TRMT44: variants seen among roughly 807,000 people sequenced by gnomAD.
The protein encoded by TRMT44 is tRNA methyltransferase 44 homolog.
TRMT44 carries 78 observed loss-of-function variants against 77.3 expected under a neutral mutation model. The observed-to-expected ratio is 1.01, with a 90% CI of 0.84 to 1.22. The LOEUF (loss-of-function observed/expected upper bound fraction) is 1.22. Ranked by LOEUF, TRMT44 falls within the 50% of genes most tolerant of loss-of-function variation. TRMT44 has a pLI of 0.00. For synonymous variants in TRMT44, 391 were observed against 383.3 expected (o/e 1.02, Z -0.23); for missense variants, 1,090 against 964.4 (o/e 1.13, Z -1.73).
chr4:8,477,416 C>T (rs1239803641), downstream of TRMT44: 1 of 152,300 alleles, frequency 6.6e-6, no homozygotes, highest in African/African-American at 2.4e-5. Context: ...GACTGGCGCT[C>T]CGTGGCCCTT....
intron 2 of TRMT44, among the ~76,000 whole-genome samples, chr4:8,483,699 G>C (rs1401159761): frequency 6.6e-6 from 1 of 152,312 alleles, no homozygotes. Context: ...CTAAGAGCCT[G>C]AAAAACTGCT....
At chr4:8,453,101 C>A in intron 5 of TRMT44, 112 bp downstream of exon 5, 1 of 599,652 alleles carries the variant, frequency 1.7e-6, no homozygotes, top group Non-Finnish European at 2.8e-6. Flanking sequence ...TTGGAGTCAG[C>A]CAGCTATCAG....
rs1340483419 is a variant in TRMT44 at position 8,441,537 on chromosome 4, T to C, written c.619+96T>C. ...AAAGTCCTAAGGGTACTAGTTCCTC[T>C]GCGATGTCCTAGGGAGGTTGTTAGG... On this transcript the variant is annotated intron_variant, in intron 1 of 10. Coordinates refer to ENST00000389737, the MANE Select transcript of TRMT44 (RefSeq NM_152544.3). 5 of 1,369,488 alleles carry C rather than the reference T, an allele frequency of 3.7e-6. No individual in the cohort carries two copies. In the Admixed American group the frequency reaches 1.5e-4, roughly 41 times the overall value. 84.8% of individuals were successfully genotyped at this position (1,369,488 alleles called of 1,614,324 possible).
chr4:8,490,466 G>A (rs572342470), intron 2 of TRMT44, among the ~76,000 whole-genome samples: 115 of 151,918 alleles, frequency 7.6e-4, no homozygotes, highest in African/African-American at 2.1e-3. Context: ...TTAAGGCAGC[G>A]CGTCTGGAGT....
At chr4:8,478,027 A>G (rs2631738), downstream of TRMT44, 73,282 of 152,966 alleles carry the variant, frequency 0.48, 17,914 homozygotes, top group South Asian at 0.67. Context: ...CAGGCCCAGG[A>G]TGGCTCCAGG....
At chr4:8,445,233 C>G (rs1336388532) in intron 1 of TRMT44, among the ~76,000 whole-genome samples, 1 of 152,216 alleles carries the variant, frequency 6.6e-6, no homozygotes, top group Non-Finnish European at 1.5e-5. Flanking sequence ...TTCAAGTGAG[C>G]CTCGCACCTT....
chr4:8,454,442 G>A (rs1725660968), intron 5 of TRMT44: 1 of 359,296 alleles, frequency 2.8e-6, no homozygotes, highest in Non-Finnish European at 5.1e-6. Flanking sequence ...AGGCAAATAT[G>A]TGCAGGCCAT....
At chr4:8,484,015 T>A (rs1178867247) in intron 2 of TRMT44, among the ~76,000 whole-genome samples, 1 of 152,164 alleles carries the variant, frequency 6.6e-6, no homozygotes, top group Non-Finnish European at 1.5e-5. Context: ...GAATAGCAGA[T>A]GGAACACTGA....
chr4:8,471,220 C>A lies in TRMT44; in HGVS notation c.2044+20C>A, dbSNP rs745684285. ...TCCAAGGTACGGAGTCCGCCTCTCC[C>A]CCGCCGTTCTTTCCTTCTTTTTCCC... On this transcript the variant is annotated intron_variant, in intron 10 of 10. Transcript: ENST00000389737. 8.5e-5 allele frequency: 125 copies of A among 1,476,490 alleles called. No individual in the cohort carries two copies. The South Asian group carries it at 9.8e-4, about 12-fold the overall frequency. The allele number at this position is 1,476,490 out of a possible 1,614,324, so 91.5% of individuals were successfully genotyped here. A position where few individuals can be genotyped will look rare whatever the true frequency, so the allele number is the denominator to read the frequency against.
chr4:8,491,304 ACT>A (rs1265210159), intron 2 of TRMT44, among the ~76,000 whole-genome samples: 6 of 152,114 alleles, frequency 3.9e-5, no homozygotes, highest in African/African-American at 1.4e-4. Flanking sequence ...AGACATAAAG[ACT>A]CTCCACATCC....
At chr4:8,487,245 G>T (rs890150469) in intron 2 of TRMT44, among the ~76,000 whole-genome samples, 3 of 152,164 alleles carry the variant, frequency 2.0e-5, no homozygotes, top group African/African-American at 4.8e-5. Flanking sequence ...TTTATGTCAG[G>T]TGTGAGCTGA....
chr4:8,512,248 G>T, the TRMT44 span: 1 of 152,112 alleles, frequency 6.6e-6, no homozygotes, highest in Non-Finnish European at 1.5e-5. Flanking sequence ...TGTATTTTTA[G>T]TAGAGACAGG....
At chr4:8,495,214 C>G (rs1728117091), downstream of TRMT44, among the ~76,000 whole-genome samples, 1 of 152,248 alleles carries the variant, frequency 6.6e-6, no homozygotes, top group Non-Finnish European at 1.5e-5. Flanking sequence ...TCCTGCTGCA[C>G]TTGGGCAGTT....
the TRMT44 span, among the ~76,000 whole-genome samples, chr4:8,514,891 A>G: frequency 9.9e-5 from 15 of 152,242 alleles, no homozygotes; most frequent in African/African-American, 3.4e-4. Context: ...TTGGGAGGAG[A>G]CAGGGTGTGG....
intron 9 of TRMT44, 126 bp downstream of exon 9, chr4:8,468,472 TGGTG>T: frequency 1.0e-6 from 1 of 971,638 alleles, no homozygotes; most frequent in African/African-American, 1.6e-5. Context: ...AAGCCATTGA[TGGTG>T]GGTGCATAGG....
intron 9 of TRMT44, among the ~76,000 whole-genome samples, chr4:8,469,959 G>T (rs1280835283): frequency 6.6e-6 from 1 of 152,242 alleles, no homozygotes; most frequent in Non-Finnish European, 1.5e-5. Flanking sequence ...GTAGGAAAGG[G>T]CCCTGCCCTC....
At chr4:8,468,588 T>G in intron 9 of TRMT44, 1 of 594,532 alleles carries the variant, frequency 1.7e-6, no homozygotes, top group Non-Finnish European at 3.0e-6. Flanking sequence ...CTTAATTAAC[T>G]TTTACCAAAC....
chr4:8,489,441 CAGGCTGT>C (rs1246191838), intron 2 of TRMT44, among the ~76,000 whole-genome samples: 2 of 150,754 alleles, frequency 1.3e-5, no homozygotes, highest in African/African-American at 2.4e-5. Flanking sequence ...CTTTGGAAGA[CAGGCTGT>C]AGTTTTGTTT....
At chr4:8,497,943 CA>C (rs1419717277), downstream of TRMT44, among the ~76,000 whole-genome samples, 2 of 152,154 alleles carry the variant, frequency 1.3e-5, no homozygotes, top group Non-Finnish European at 2.9e-5. Context: ...GGGAAAATCC[CA>C]GGGGCAGGGA....
Sources: gnomAD v4.1 joint callset for allele counts (sites outside exome capture counted in the v4.1 genomes callset) on GRCh38, gnomAD v4.1.1 for gene constraint, MANE v1.5 for transcripts, NCBI Gene and HGNC (gene_info 2026-07-23, HGNC 2026-07-21) for gene names.